The following TRHDE variants were observed in gnomAD, a reference collection of about 807,000 sequenced individuals.
TRHDE encodes the protein thyrotropin-releasing hormone-degrading ectoenzyme.
Under a neutral mutation model 125.7 loss-of-function variants are expected in TRHDE, and 72 were observed. That is an observed-to-expected ratio of 0.57 (90% CI 0.47 to 0.70). TRHDE has a LOEUF of 0.70. Among genes scored for constraint, TRHDE ranks in the 30% least tolerant of loss-of-function variants. The pLI is 0.00. For synonymous variants in TRHDE, 509 were observed against 509.1 expected (o/e 1.00, Z 0.00); for missense variants, 1,110 against 1,327.1 (o/e 0.84, Z 2.54).
intron 2 of TRHDE, among the ~76,000 whole-genome samples, chr12:72,215,122 G>A (rs545049047): frequency 6.6e-6 from 1 of 152,206 alleles, no homozygotes; most frequent in East Asian, 1.9e-4. Context: ...AGGGAGATAA[G>A]GGTGGGGCCG....
intron 5 of TRHDE, among the ~76,000 whole-genome samples, chr12:72,495,077 T>G (rs1877854489): frequency 7.0e-6 from 1 of 142,352 alleles, no homozygotes; most frequent in African/African-American, 2.6e-5. Flanking sequence ...TTTTTTTTTT[T>G]TTTTTTTTTA....
intron 2 of TRHDE, among the ~76,000 whole-genome samples, chr12:72,124,179 T>TC (rs1428249737): frequency 6.6e-6 from 1 of 152,194 alleles, no homozygotes; most frequent in Non-Finnish European, 1.5e-5. Flanking sequence ...AATTGCATAT[T>TC]CTTATAAGCC....
intron 6 of TRHDE, among the ~76,000 whole-genome samples, chr12:72,520,184 C>T (rs995060811): frequency 6.6e-5 from 10 of 152,368 alleles, no homozygotes; most frequent in African/African-American, 2.2e-4. Context: ...TCCAGCTTCC[C>T]TGCTGCTTTG....
rs10647795 is a variant in TRHDE at position 72,224,146 on chromosome 12, C to CTATGTATG, written n.279+118410_279+118417dup. Among the ~76,000 whole-genome samples the CTATGTATG allele has an allele frequency of 1.0e-3, 47 of 46,404 alleles. 1 individual carries two copies. The South Asian group carries it at 0.02, about 20-fold the overall frequency. The allele number at this position is 46,404 out of a possible 152,430, so 30.4% of individuals were successfully genotyped here. On this transcript the variant is annotated intron_variant and non_coding_transcript_variant, in intron 2 of 4. Transcript: ENST00000548156. ...TCTATCTATCTATCTATCTATTTAT[C>CTATGTATG]TATGTATGTATGTATGTATGTATCT...
intron 2 of TRHDE, among the ~76,000 whole-genome samples, chr12:72,294,733 C>G (rs185950841): frequency 6.6e-6 from 1 of 152,236 alleles, no homozygotes; most frequent in Non-Finnish European, 1.5e-5. Context: ...TTTCTGCCTC[C>G]TGCTGCCTGT....
In TRHDE at chr12:72,591,387, A is replaced by C. The variant is rs77398566; in HGVS notation, c.2321+15845A>C. Among the ~76,000 whole-genome samples, 558 of 152,266 alleles carry C rather than the reference A, an allele frequency of 3.7e-3. 5 individuals are homozygous for C. Among genetic ancestry groups the C allele is most frequent in the African/African-American group, 0.013 (530 of 41,554 alleles). ...TATTTTATGGTTAACAATTTACCCC[A>C]CCAAATAAAATATAGAAATCCTCCA... On this transcript the variant is annotated intron_variant, in intron 12 of 18. Coordinates refer to ENST00000261180, the MANE Select transcript of TRHDE (RefSeq NM_013381.3).
intron 2 of TRHDE, among the ~76,000 whole-genome samples, chr12:72,194,365 G>C (rs960464212): frequency 1.3e-5 from 2 of 152,042 alleles, no homozygotes; most frequent in South Asian, 2.1e-4. Flanking sequence ...TTCTTATGGA[G>C]GTCCTTGTTT....
At chr12:72,464,150 G>C (rs1346713151) in intron 3 of TRHDE, among the ~76,000 whole-genome samples, 3 of 152,288 alleles carry the variant, frequency 2.0e-5, no homozygotes, top group South Asian at 4.1e-4. Flanking sequence ...CCTACTACAA[G>C]ATGCTTAGAT....
chr12:72,566,089 T>G (rs1182500800), intron 9 of TRHDE, among the ~76,000 whole-genome samples: 3 of 152,066 alleles, frequency 2.0e-5, no homozygotes, highest in Non-Finnish European at 4.4e-5. Context: ...ATTATCAGGC[T>G]TTCCTTGATT....
chr12:72,523,109 G>A (rs908818733), intron 6 of TRHDE, among the ~76,000 whole-genome samples: 8 of 151,760 alleles, frequency 5.3e-5, no homozygotes, highest in African/African-American at 1.9e-4. Context: ...TGTTGCTGGT[G>A]GATTACATGA....
intron 6 of TRHDE, among the ~76,000 whole-genome samples, chr12:72,540,088 G>A (rs984801528): frequency 2.6e-5 from 4 of 151,580 alleles, no homozygotes; most frequent in African/African-American, 4.9e-5. Flanking sequence ...CATAGTATGT[G>A]CTTAGTATAT....
At chr12:72,414,390 A>G (rs536684722) in intron 3 of TRHDE, among the ~76,000 whole-genome samples, 9 of 152,124 alleles carry the variant, frequency 5.9e-5, no homozygotes, top group Non-Finnish European at 1.2e-4. Flanking sequence ...AATATTAGCT[A>G]TTAGCTACTT....
At chr12:72,421,842 G>A (rs957492030) in intron 3 of TRHDE, among the ~76,000 whole-genome samples, 5 of 152,144 alleles carry the variant, frequency 3.3e-5, no homozygotes, top group Admixed American at 2.0e-4. Context: ...GCGTTCAGTT[G>A]TGAGTTTTAA....
At chr12:72,283,887 G>T (rs1459812912) in intron 1 of TRHDE, among the ~76,000 whole-genome samples, 2 of 150,726 alleles carry the variant, frequency 1.3e-5, no homozygotes, top group Non-Finnish European at 3.0e-5. Context: ...TTTCCATGAG[G>T]AAATATTATA....
chr12:72,578,984 G>T (rs1169414224), intron 12 of TRHDE, among the ~76,000 whole-genome samples: 43 of 135,888 alleles, frequency 3.2e-4, no homozygotes, highest in East Asian at 1.9e-3. Context: ...ACTGTTTAGT[G>T]TTTTTTTTTT....
chr12:72,153,968 A>G (rs1170104388), intron 2 of TRHDE, among the ~76,000 whole-genome samples: 1 of 152,130 alleles, frequency 6.6e-6, no homozygotes, highest in Non-Finnish European at 1.5e-5. Flanking sequence ...TTTCTGTCTC[A>G]TTGATCTGTC....
intron 3 of TRHDE, among the ~76,000 whole-genome samples, chr12:72,431,502 C>T (rs1874475978): frequency 6.6e-6 from 1 of 152,066 alleles, no homozygotes; most frequent in African/African-American, 2.4e-5. Flanking sequence ...ATTAAAAATT[C>T]ACATGATGAA....
chr12:72,140,317 A>AGGG (rs1366660549), intron 2 of TRHDE: 4 of 152,228 alleles, frequency 2.6e-5, no homozygotes, highest in Non-Finnish European at 5.9e-5. Flanking sequence ...CTAGGTCTAT[A>AGGG]GATAAACTCT....
At chr12:72,194,581 C>A (rs1877402476) in intron 2 of TRHDE, among the ~76,000 whole-genome samples, 1 of 152,104 alleles carries the variant, frequency 6.6e-6, no homozygotes, top group Admixed American at 6.6e-5. Flanking sequence ...TCTTTATGTC[C>A]ATGAGTACCC....
Sources: allele counts gnomAD v4.1 joint callset (sites outside exome capture counted in the v4.1 genomes callset), GRCh38; gene constraint gnomAD v4.1.1; transcripts MANE v1.5; gene names NCBI Gene and HGNC (gene_info 2026-07-23, HGNC 2026-07-21).